Variants in ABCD3 observed in about 807,000 individuals in gnomAD.
The protein encoded by ABCD3 is ATP binding cassette subfamily D member 3.
ABCD3 carries 41 observed loss-of-function variants against 105.5 expected under a neutral mutation model. The ratio of observed to expected loss-of-function variants is 0.39; its 90% CI spans 0.30 to 0.50. The LOEUF is 0.50. ABCD3 is among the 20% of genes least tolerant of loss of function. The probability of loss-of-function intolerance (pLI) is 0.84; values close to 1 mark genes in which losing one functional copy is unlikely to be tolerated. For missense variants in ABCD3, 622 were observed against 806.3 expected (o/e 0.77, Z 2.77); for synonymous variants, 258 against 269.0 (o/e 0.96, Z 0.40).
intron 4 of ABCD3, among the ~76,000 whole-genome samples, chr1:94,469,486 C>T (rs1648334803): frequency 8.4e-6 from 1 of 119,026 alleles, no homozygotes; most frequent in African/African-American, 2.9e-5. Flanking sequence ...TATTTGTGCA[C>T]ATTAGTTTTT....
At chr1:94,459,002 GTCCCC>G (rs1457681792) in intron 2 of ABCD3, among the ~76,000 whole-genome samples, 2 of 114,992 alleles carry the variant, frequency 1.7e-5, no homozygotes, top group Non-Finnish European at 3.4e-5. Context: ...CTCCCTTCCT[GTCCCC>G]TCCCCTCCCC....
At chr1:94,484,510 A>G (rs1036395734) in intron 10 of ABCD3, among the ~76,000 whole-genome samples, 7 of 152,188 alleles carry the variant, frequency 4.6e-5, no homozygotes, top group Non-Finnish European at 8.8e-5. Context: ...GCTGGCAACC[A>G]TCATTCTGAG....
chr1:94,396,059 A>G, the ABCD3 span, among the ~76,000 whole-genome samples: 4 of 152,144 alleles, frequency 2.6e-5, no homozygotes, highest in Non-Finnish European at 4.4e-5. Context: ...ACTCTCTCAC[A>G]TTATTTCTGC....
chr1:94,393,070 C>A, the ABCD3 span, among the ~76,000 whole-genome samples: 3 of 151,792 alleles, frequency 2.0e-5, no homozygotes, highest in Non-Finnish European at 1.5e-5. Context: ...CGAGATCACA[C>A]CACTCCAGCC....
rs1366748349 is a variant in ABCD3 at position 94,493,791 on chromosome 1, G to T, written c.1386+2544G>T. On this transcript the variant is annotated intron_variant, in intron 16 of 22. Transcript: ENST00000370214. ...AAAAAATGATGAGTTCATGTCCTTT[G>T]TAGGGACATGGATGAAATTGGAAAT... 2.6e-5 allele frequency among the ~76,000 whole-genome samples: 4 copies of T among 152,270 alleles called. No individual in the cohort carries two copies. The South Asian group carries it at 8.3e-4, about 32-fold the overall frequency.
chr1:94,421,146 A>G (rs928289390), intron 1 of ABCD3, among the ~76,000 whole-genome samples: 2 of 152,158 alleles, frequency 1.3e-5, no homozygotes, highest in African/African-American at 4.8e-5. Flanking sequence ...GGATTGCCCA[A>G]TGCACTTTAC....
chr1:94,510,827 T>G (rs1244798476), intron 21 of ABCD3, among the ~76,000 whole-genome samples: 2 of 152,192 alleles, frequency 1.3e-5, no homozygotes, highest in Non-Finnish European at 2.9e-5. Flanking sequence ...GCCTTTTTTT[T>G]GTTTTCCATT....
chr1:94,506,116 G>A (rs1307666169), intron 20 of ABCD3, among the ~76,000 whole-genome samples: 1 of 152,146 alleles, frequency 6.6e-6, no homozygotes, highest in Admixed American at 6.6e-5. Flanking sequence ...TTATTGGTGA[G>A]AATATTAATT....
chr1:94,476,282 CCTT>C (rs1214557170), intron 7 of ABCD3, among the ~76,000 whole-genome samples: 8 of 152,286 alleles, frequency 5.3e-5, no homozygotes, highest in African/African-American at 1.7e-4. Flanking sequence ...AGTCAGTTTT[CCTT>C]CTTCTCACTG....
At chr1:94,465,359 A>G (rs531027964) in intron 3 of ABCD3, among the ~76,000 whole-genome samples, 45 of 152,326 alleles carry the variant, frequency 3.0e-4, no homozygotes, top group African/African-American at 1.0e-3. Flanking sequence ...TGGTTATACT[A>G]TAGGTCAAAT....
chr1:94,411,877 G>A, the ABCD3 span, among the ~76,000 whole-genome samples: 1 of 152,196 alleles, frequency 6.6e-6, no homozygotes, highest in Non-Finnish European at 1.5e-5. Flanking sequence ...TTTATGCTAA[G>A]TGAAAGAAGC....
At chr1:94,390,938 T>C in the ABCD3 span, among the ~76,000 whole-genome samples, 1 of 152,192 alleles carries the variant, frequency 6.6e-6, no homozygotes, top group African/African-American at 2.4e-5. Flanking sequence ...ATAAAGGTAT[T>C]TCAGGTCCCT....
intron 1 of ABCD3, among the ~76,000 whole-genome samples, chr1:94,434,009 G>A (rs566428979): frequency 1.2e-4 from 19 of 152,206 alleles, no homozygotes; most frequent in Admixed American, 1.0e-3. Flanking sequence ...GATCAAAAAC[G>A]GTGTACCTGT....
rs551548220 is a variant in ABCD3, at chr1:94,510,059, C to T, written c.1845+3417C>T. Among the ~76,000 whole-genome samples the T allele has an allele frequency of 1.3e-4, 20 of 152,110 alleles. No homozygotes were observed. The South Asian group carries it at 1.7e-3, about 13-fold the overall frequency. ...TTTGAATGTGTTTTCTCTTGCTTTTCTAGTTCTTTTAATTGTGATGTTAGG... is the reference window on the plus strand; with the variant it reads ...TTTGAATGTGTTTTCTCTTGCTTTTTTAGTTCTTTTAATTGTGATGTTAGG... On this transcript the variant is annotated intron_variant, in intron 21 of 22. Coordinates refer to ENST00000370214, the MANE Select transcript of ABCD3 (RefSeq NM_002858.4).
chr1:94,502,965 C>T (rs987104451), intron 20 of ABCD3, among the ~76,000 whole-genome samples: 7 of 152,182 alleles, frequency 4.6e-5, no homozygotes, highest in Non-Finnish European at 1.0e-4. Flanking sequence ...ACCTGTGGCT[C>T]ACGGACACAT....
intron 13 of ABCD3, among the ~76,000 whole-genome samples, chr1:94,488,986 T>C (rs1375047580): frequency 6.6e-6 from 1 of 152,022 alleles, no homozygotes; most frequent in Non-Finnish European, 1.5e-5. Flanking sequence ...TTGATGAATA[T>C]GGGAATAAGT....
At chr1:94,479,030 T>C (rs1208071708) in intron 8 of ABCD3, among the ~76,000 whole-genome samples, 1 of 152,262 alleles carries the variant, frequency 6.6e-6, no homozygotes, top group African/African-American at 2.4e-5. Context: ...ATGGTTGTTT[T>C]ACATATGTGT....
At chr1:94,483,418 T>C (rs1374714146) in intron 10 of ABCD3, among the ~76,000 whole-genome samples, 179 bp downstream of exon 10, 1 of 152,116 alleles carries the variant, frequency 6.6e-6, no homozygotes, top group Non-Finnish European at 1.5e-5. Flanking sequence ...ATAAAAAATA[T>C]GAGATTAAAA....
chr1:94,422,487 A>T (rs1432069224), intron 1 of ABCD3, among the ~76,000 whole-genome samples: 3 of 152,204 alleles, frequency 2.0e-5, no homozygotes, highest in Non-Finnish European at 4.4e-5. Context: ...CCTGGTGCCA[A>T]AAAGGTTGGA....
Sources: gnomAD v4.1 joint callset for allele counts (sites outside exome capture counted in the v4.1 genomes callset) on GRCh38, gnomAD v4.1.1 for gene constraint, MANE v1.5 for transcripts, NCBI Gene and HGNC (gene_info 2026-07-23, HGNC 2026-07-21) for gene names.